ITGA2: variants seen among roughly 807,000 people sequenced by gnomAD.
ITGA2 encodes integrin subunit alpha 2.
In ITGA2, 101 loss-of-function variants were observed where a neutral mutation model predicts 146.3. The ratio of observed to expected loss-of-function variants is 0.69; its 90% CI spans 0.59 to 0.81. ITGA2 has a LOEUF of 0.81. ITGA2 is among the 40% of genes least tolerant of loss of function. ITGA2 has a pLI of 0.00. For synonymous variants in ITGA2, 477 were observed against 487.1 expected, an observed-to-expected ratio of 0.98 and a Z score of 0.27; for missense variants, 1,281 against 1,402.7, an observed-to-expected ratio of 0.91 and a Z score of 1.39.
intron 2 of ITGA2, among the ~76,000 whole-genome samples, chr5:53,036,037 T>C (rs1392763028): frequency 7.6e-6 from 1 of 132,258 alleles, no homozygotes; most frequent in East Asian, 2.1e-4. Context: ...AGGCTGTCTT[T>C]GACTCGTATT....
intron 3 of ITGA2, among the ~76,000 whole-genome samples, chr5:53,044,249 T>C (rs3212455): frequency 0.3 from 36,011 of 119,914 alleles, 5,053 homozygotes; most frequent in Admixed American, 0.4. Flanking sequence ...CACTCCAGCC[T>C]GGATGACAGA....
chr5:53,083,545 C>T, intron 27 of ITGA2, 92 bp downstream of exon 27: 1 of 841,856 alleles, frequency 1.2e-6, no homozygotes, highest in Non-Finnish European at 2.0e-6. Context: ...AATAAGTATT[C>T]TGGCTAATGT....
chr5:53,041,855 G>A (rs1042029298), intron 2 of ITGA2, among the ~76,000 whole-genome samples: 23 of 152,012 alleles, frequency 1.5e-4, no homozygotes, highest in South Asian at 4.1e-4. Flanking sequence ...GCTAATATTC[G>A]TAGCTTGCAT....
At chr5:53,072,953 TG>T (rs1745469228) in intron 19 of ITGA2, among the ~76,000 whole-genome samples, 164 bp from the exon 20 acceptor site, 1 of 151,944 alleles carries the variant, frequency 6.6e-6, no homozygotes, top group Admixed American at 6.6e-5. Context: ...TTTACTTATT[TG>T]TTGTCAGTAT....
chr5:53,050,687 T>C (rs1298015213), intron 6 of ITGA2, among the ~76,000 whole-genome samples: 3 of 152,188 alleles, frequency 2.0e-5, no homozygotes, highest in African/African-American at 7.2e-5. Flanking sequence ...TCTCAATGCC[T>C]GCAAACAAGG....
In ITGA2 at chr5:53,051,425, G is replaced by A; in HGVS notation, c.645G>A (p.Gln215=). ...GPTKTQVGLI[Q]YANNPRVVFN... The stretch of plus-strand genomic sequence containing the variant: ...CTCTGTTGAAGGTGGGGTTAATTCA[G>A]TATGCCAATAATCCAAGAGTTGTGT... The change falls in exon 7 of 30, where the codon CAG becomes CAA. Residue 215 remains glutamine (Q), a synonymous_variant. Transcript: ENST00000296585. 1 of 1,613,424 alleles carries A rather than the reference G, an allele frequency of 6.2e-7. No individual in the cohort carries two copies. Among genetic ancestry groups the A allele is most frequent in the Non-Finnish European group, 8.5e-7 (1 of 1,179,562 alleles).
intron 1 of ITGA2, among the ~76,000 whole-genome samples, chr5:53,006,857 A>T (rs181587761): frequency 2.0e-5 from 3 of 152,244 alleles, no homozygotes; most frequent in African/African-American, 7.2e-5. Context: ...TCAACAACAA[A>T]AACATAAAAA....
At chr5:53,010,132 C>G (rs1258812572) in intron 1 of ITGA2, among the ~76,000 whole-genome samples, 1 of 152,118 alleles carries the variant, frequency 6.6e-6, no homozygotes, top group Admixed American at 6.6e-5. Context: ...ATGAGGTTAT[C>G]CAGGAAAGAT....
intron 15 of ITGA2, among the ~76,000 whole-genome samples, chr5:53,066,478 G>A (rs555869562): frequency 6.6e-6 from 1 of 152,008 alleles, no homozygotes; most frequent in Non-Finnish European, 1.5e-5. Flanking sequence ...AGAGAACAGT[G>A]TGAAGGTCAT....
At chr5:53,039,523 C>T (rs1270042406) in intron 2 of ITGA2, among the ~76,000 whole-genome samples, 1 of 151,680 alleles carries the variant, frequency 6.6e-6, no homozygotes, top group African/African-American at 2.4e-5. Context: ...GCGGGCGGAT[C>T]ACCTGACGTT....
At chr5:53,064,416 TGAAA>T (rs1375343831) in intron 13 of ITGA2, among the ~76,000 whole-genome samples, 2 of 152,034 alleles carry the variant, frequency 1.3e-5, no homozygotes, top group Non-Finnish European at 2.9e-5. Flanking sequence ...ATGACCTTAC[TGAAA>T]TTCTTATTTA....
chr5:53,043,970 G>T (rs1743933293), intron 3 of ITGA2, among the ~76,000 whole-genome samples: 1 of 151,910 alleles, frequency 6.6e-6, no homozygotes, highest in African/African-American at 2.4e-5. Flanking sequence ...GAGGTTGGAG[G>T]CTTGAAAAGA....
intron 1 of ITGA2, among the ~76,000 whole-genome samples, chr5:52,994,877 G>T (rs142295943): frequency 6.6e-6 from 1 of 152,238 alleles, no homozygotes; most frequent in African/African-American, 2.4e-5. Context: ...AGATATCATT[G>T]TGATACATTG....
rs548541753 is a variant in ITGA2, at chr5:53,004,894, G to GTTTTTTTTT, written c.64+15393_64+15401dup. 3.2e-4 allele frequency among the ~76,000 whole-genome samples: 18 copies of GTTTTTTTTT among 55,940 alleles called. 1 individual carries two copies. The highest frequency in any genetic ancestry group is 7.2e-4 in the East Asian group (1 of 1,388). The allele number at this position is 55,940 out of a possible 152,430, so 36.7% of individuals were successfully genotyped here. A position where few individuals can be genotyped will look rare whatever the true frequency, so the allele number is the denominator to read the frequency against. On this transcript the variant is annotated intron_variant, in intron 1 of 29. Transcript: ENST00000296585. ...TACAACTTCTAAGTTTAGTTGCTTT[G>GTTTTTTTTT]TTTTTTTTTTTTTTTTTTTTTTTTT...
intron 2 of ITGA2, 133 bp from the exon 3 acceptor site, chr5:53,041,979 G>T (rs1026295920): frequency 1.5e-6 from 1 of 686,426 alleles, no homozygotes; most frequent in East Asian, 2.8e-5. Flanking sequence ...AAGGCAGCAG[G>T]TCAAATCATA....
chr5:53,079,372 T>A (rs1745807837), intron 24 of ITGA2, among the ~76,000 whole-genome samples: 1 of 152,132 alleles, frequency 6.6e-6, no homozygotes, highest in Admixed American at 6.6e-5. Flanking sequence ...AGTTTACCAT[T>A]TGTATACAAA....
intron 14 of ITGA2, 152 bp downstream of exon 14, chr5:53,065,267 C>T: frequency 1.3e-6 from 1 of 797,558 alleles, no homozygotes; most frequent in Non-Finnish European, 2.1e-6. Flanking sequence ...TACTGTGTGC[C>T]CAAGCACTGT....
chr5:53,000,897 GTTTTTTTTTTTT>G (rs369482288), intron 1 of ITGA2, among the ~76,000 whole-genome samples: 2 of 97,226 alleles, frequency 2.1e-5, no homozygotes, highest in Non-Finnish European at 4.0e-5. Context: ...TTTTCTTTTT[GTTTTTTTTTTTT>G]TTTTTTTTTC....
intron 1 of ITGA2, among the ~76,000 whole-genome samples, chr5:53,000,704 G>A (rs1409485969): frequency 6.6e-6 from 1 of 151,980 alleles, no homozygotes; most frequent in African/African-American, 2.4e-5. Context: ...TTGCTAAGAT[G>A]TTTAAGTTTA....
Sources: gnomAD v4.1 joint callset for allele counts (sites outside exome capture counted in the v4.1 genomes callset) on GRCh38, gnomAD v4.1.1 for gene constraint, MANE v1.5 for transcripts, NCBI Gene and HGNC (gene_info 2026-07-23, HGNC 2026-07-21) for gene names.